SLC25A26: variants seen among roughly 807,000 people sequenced by gnomAD.
SLC25A26 encodes solute carrier family 25 member 26, also known as mitochondrial S-adenosylmethionine carrier protein.
SLC25A26 carries 36 observed loss-of-function variants against 37.8 expected under a neutral mutation model. The observed-to-expected ratio is 0.95, with a 90% CI of 0.73 to 1.26. The LOEUF (loss-of-function observed/expected upper bound fraction) is 1.26, where lower values mean the gene tolerates loss of function less well. Ranked by LOEUF, SLC25A26 falls within the 50% of genes most tolerant of loss-of-function variation. SLC25A26 has a pLI of 0.00. For synonymous variants in SLC25A26, 129 were observed against 122.5 expected, an observed-to-expected ratio of 1.05 and a Z score of -0.35; for missense variants, 390 against 331.1, an observed-to-expected ratio of 1.18 and a Z score of -1.38.
chr3:66,167,302 T>G (rs981791132), intron 1 of SLC25A26, among the ~76,000 whole-genome samples: 2 of 152,200 alleles, frequency 1.3e-5, no homozygotes, highest in Non-Finnish European at 2.9e-5. Context: ...GCAAGGATGA[T>G]GTAAGCTTTA....
intron 1 of SLC25A26, among the ~76,000 whole-genome samples, chr3:66,157,180 G>A (rs538802401): frequency 5.9e-5 from 9 of 152,314 alleles, no homozygotes; most frequent in African/African-American, 1.7e-4. Flanking sequence ...GCTTCAGTGA[G>A]CCATGATGGC....
intron 5 of SLC25A26, among the ~76,000 whole-genome samples, chr3:66,336,907 A>C (rs1381519488): frequency 6.6e-6 from 1 of 152,104 alleles, no homozygotes; most frequent in East Asian, 1.9e-4. Context: ...ACTAGCAAAA[A>C]TTGTTCCTTT....
rs1391569243 is a variant in SLC25A26 at position 66,195,857 on chromosome 3, T to C, written c.-353-24885T>C. ...GATAAAAATATTTGGTAAATTTACATGGAAGACCTAAATTCTAATTATTCA... is the reference window on the plus strand; with the variant it reads ...GATAAAAATATTTGGTAAATTTACACGGAAGACCTAAATTCTAATTATTCA... On this transcript the variant is annotated intron_variant, in intron 1 of 10. Transcript: ENST00000676754. 2.6e-5 allele frequency among the ~76,000 whole-genome samples: 4 copies of C among 152,234 alleles called. No homozygotes were observed. In the South Asian group the frequency reaches 6.2e-4, roughly 24 times the overall value.
chr3:66,271,917 A>ACC (rs2073974250), intron 5 of SLC25A26, among the ~76,000 whole-genome samples: 1 of 152,002 alleles, frequency 6.6e-6, no homozygotes, highest in African/African-American at 2.4e-5. Context: ...CTAGTGTAGA[A>ACC]ACTCATCTTT....
intron 1 of SLC25A26, among the ~76,000 whole-genome samples, chr3:66,207,279 C>T (rs995836127): frequency 0.14 from 20,858 of 151,982 alleles, 1,645 homozygotes; most frequent in East Asian, 0.24. Context: ...TCAGTTATCC[C>T]CCCCATCCTT....
At chr3:66,235,031 T>C (rs147417518) in intron 1 of SLC25A26, among the ~76,000 whole-genome samples, 164 of 152,280 alleles carry the variant, frequency 1.1e-3, no homozygotes, top group African/African-American at 3.8e-3. Context: ...CCTTTAGATC[T>C]GGGTGATCTT....
intron 5 of SLC25A26, among the ~76,000 whole-genome samples, chr3:66,286,459 TC>T (rs960520943): frequency 2.6e-5 from 4 of 152,130 alleles, no homozygotes; most frequent in African/African-American, 9.7e-5. Context: ...ATTTTTTTTT[TC>T]CTCACTGAAA....
chr3:66,177,858 C>G (rs978210803), intron 1 of SLC25A26, among the ~76,000 whole-genome samples: 1 of 152,112 alleles, frequency 6.6e-6, no homozygotes, highest in Non-Finnish European at 1.5e-5. Context: ...CTGGTATAGG[C>G]CACCCAGAAA....
At chr3:66,296,346 C>T (rs778978967) in intron 5 of SLC25A26, among the ~76,000 whole-genome samples, 7 of 152,156 alleles carry the variant, frequency 4.6e-5, no homozygotes, top group African/African-American at 1.7e-4. Flanking sequence ...GTTTAGAGTA[C>T]ATCAAACATG....
intron 3 of SLC25A26, among the ~76,000 whole-genome samples, chr3:66,259,177 G>A (rs1046515707): frequency 6.6e-6 from 1 of 152,190 alleles, no homozygotes; most frequent in Admixed American, 6.5e-5. Flanking sequence ...GAGAAGGCAG[G>A]TGTGCCCTGC....
chr3:66,292,193 C>T (rs2074735478), intron 5 of SLC25A26, among the ~76,000 whole-genome samples: 1 of 152,004 alleles, frequency 6.6e-6, no homozygotes, highest in Admixed American at 6.6e-5. Context: ...CTATTTGTGT[C>T]TTTGCACATG....
intron 5 of SLC25A26, among the ~76,000 whole-genome samples, chr3:66,312,059 A>C (rs2075394293): frequency 6.6e-6 from 1 of 152,240 alleles, no homozygotes; most frequent in Non-Finnish European, 1.5e-5. Flanking sequence ...GCTGGCAGAC[A>C]GGAACAGTTA....
intron 1 of SLC25A26, among the ~76,000 whole-genome samples, chr3:66,153,950 T>C (rs1379561011): frequency 6.6e-6 from 1 of 152,200 alleles, no homozygotes. Context: ...CTGTCCGTAA[T>C]GTGAGATGAT....
At chr3:66,326,527 AG>A in intron 5 of SLC25A26, among the ~76,000 whole-genome samples, 1 of 152,322 alleles carries the variant, frequency 6.6e-6, no homozygotes, top group African/African-American at 2.4e-5. Context: ...GGGATGCCAG[AG>A]GCAGTGAGTG....
chr3:66,166,393 T>C (rs2070425489), intron 1 of SLC25A26, among the ~76,000 whole-genome samples: 1 of 152,200 alleles, frequency 6.6e-6, no homozygotes, highest in African/African-American at 2.4e-5. Context: ...CCTTGCTGCA[T>C]TTCTTTTTCC....
intron 5 of SLC25A26, among the ~76,000 whole-genome samples, chr3:66,315,936 C>T (rs112037192): frequency 6.4e-4 from 98 of 152,204 alleles, no homozygotes; most frequent in Admixed American, 2.6e-3. Flanking sequence ...GATTGTAACA[C>T]GTGCTTTTTT....
chr3:66,262,187 T>G (rs1371062076), intron 4 of SLC25A26, 32 bp downstream of exon 4: 3 of 1,184,368 alleles, frequency 2.5e-6, no homozygotes, highest in Non-Finnish European at 3.6e-6. Flanking sequence ...CTTCTTTTCT[T>G]TATTAAGATT....
At chr3:66,372,053 A>G (rs1007490342) in intron 9 of SLC25A26, among the ~76,000 whole-genome samples, 3 of 152,182 alleles carry the variant, frequency 2.0e-5, no homozygotes, top group African/African-American at 7.2e-5. Context: ...CAACTGTGCC[A>G]CTGCTCTCCA....
At position 66,238,312 on chromosome 3, in the gene SLC25A26, TAA is replaced by T. The variant is rs2072397103; in HGVS notation, c.190+1614_190+1615del. The stretch of plus-strand genomic sequence containing the variant: ...GCCTGCTGCTGTCTTAATGATAGCA[TAA>T]ACAGTTGATTAACACATACTTTGTG... On this transcript the variant is annotated intron_variant, in intron 2 of 9. Transcript: ENST00000354883. Among the ~76,000 whole-genome samples the T allele has an allele frequency of 4.6e-5, 7 of 152,336 alleles. No individual in the cohort carries two copies. In the South Asian group the frequency reaches 1.4e-3, roughly 32 times the overall value.
Sources: allele counts gnomAD v4.1 joint callset (sites outside exome capture counted in the v4.1 genomes callset), GRCh38; gene constraint gnomAD v4.1.1; transcripts MANE v1.5; gene names NCBI Gene and HGNC (gene_info 2026-07-23, HGNC 2026-07-21).